Variants in SYNE1 observed in about 807,000 individuals in gnomAD.
SYNE1 encodes the protein spectrin repeat containing nuclear envelope protein 1.
A neutral mutation model predicts 1,111.0 loss-of-function variants in SYNE1; 616 were observed. The ratio of observed to expected loss-of-function variants is 0.55; its 90% confidence interval spans 0.52 to 0.59. SYNE1 has a LOEUF of 0.59. Ranked by LOEUF, SYNE1 falls within the 20% of genes least tolerant of loss-of-function variation. The pLI, the probability that SYNE1 is intolerant of heterozygous loss-of-function variation, is 0.00. For missense variants in SYNE1, 10,006 were observed against 10,417.0 expected, an observed-to-expected ratio of 0.96 and a Z score of 1.72; for synonymous variants, 3,855 against 3,825.8, an observed-to-expected ratio of 1.01 and a Z score of -0.28.
chr6:152,180,282 G>T lies in SYNE1; in HGVS notation c.23314C>A (p.Arg7772=). ...TTCAATCTTTCACCTATTTGCTGCC[G>T]CCTTAAGGAGAGCTGAAAAGTTTAA... ...EELCHQLSLR[R]QQIGERLNEW... Residue 7772 remains arginine (R), a synonymous_variant, in exon 129 of 146, where the codon CGG becomes AGG. Transcript: ENST00000367255. The T allele has an allele frequency of 6.2e-7, 1 of 1,613,976 alleles. No individual in the cohort carries two copies. The highest frequency in any genetic ancestry group is 8.5e-7 in the Non-Finnish European group (1 of 1,179,974).
chr6:152,343,050 C>T (rs140436680), intron 74 of SYNE1, among the ~76,000 whole-genome samples: 3 of 152,018 alleles, frequency 2.0e-5, no homozygotes, highest in South Asian at 2.1e-4. Context: ...GAAACTATCT[C>T]GAAGGCTTGG....
intron 29 of SYNE1, among the ~76,000 whole-genome samples, chr6:152,445,755 G>C (rs536114571): frequency 6.6e-6 from 1 of 151,966 alleles, no homozygotes; most frequent in South Asian, 2.1e-4. Flanking sequence ...CAAACACATT[G>C]TGTTCAACAT....
At chr6:152,479,779 T>C (rs2098871313) in intron 14 of SYNE1, among the ~76,000 whole-genome samples, 1 of 152,204 alleles carries the variant, frequency 6.6e-6, no homozygotes, top group Non-Finnish European at 1.5e-5. Context: ...TTTTGCAGAA[T>C]ACATAAGTTC....
chr6:152,620,308 C>G (rs2099672538), intron 3 of SYNE1, among the ~76,000 whole-genome samples: 1 of 152,028 alleles, frequency 6.6e-6, no homozygotes, highest in Admixed American at 6.5e-5. Context: ...TCACAAACCT[C>G]TTTTCTTCTT....
intron 128 of SYNE1, among the ~76,000 whole-genome samples, chr6:152,186,854 A>T (rs2813519): frequency 0.063 from 9,537 of 152,222 alleles, 471 homozygotes; most frequent in African/African-American, 0.14. Context: ...AAACAGATGA[A>T]TGGGCTCACA....
chr6:152,521,033 C>G (rs924497080), intron 5 of SYNE1, among the ~76,000 whole-genome samples: 2 of 152,116 alleles, frequency 1.3e-5, no homozygotes, highest in African/African-American at 4.8e-5. Flanking sequence ...TGAGGGCACC[C>G]GTCATACTAA....
chr6:152,404,046 T>G (rs1227036258), intron 46 of SYNE1, among the ~76,000 whole-genome samples, 167 bp downstream of exon 46: 3 of 150,904 alleles, frequency 2.0e-5, no homozygotes, highest in African/African-American at 7.3e-5. Context: ...GATACATATA[T>G]AGATGTATAT....
Position 152,462,887 on chromosome 6 carries a change from C to T in SYNE1, c.2101G>A (p.Ala701Thr). Reference sequence around the variant, plus strand: ...ATTCTGTCCATCTCATCAGCTTGAGCATACTGTTAAGGAAAGGGAGGAGGG... The same window carrying T: ...ATTCTGTCCATCTCATCAGCTTGAGTATACTGTTAAGGAAAGGGAGGAGGG... ...RELFMEVKQY[A>T]QADEMDRMKK... Residue 701 changes from alanine (A) to threonine (T), a missense_variant, in exon 20 of 146, where the codon GCT (alanine) becomes ACT (threonine). Physicochemically the swap from Ala to Thr is moderately conservative, Grantham distance 58 (BLOSUM62 0). Transcript: ENST00000367255. 7 of 1,613,858 alleles carry T rather than the reference C, an allele frequency of 4.3e-6. No homozygotes were observed. The highest frequency in any genetic ancestry group is 5.9e-6 in the Non-Finnish European group (7 of 1,179,884).
Position 152,376,426 on chromosome 6 carries a change from T to C in SYNE1, c.9279A>G (p.Ile3093Met). The change falls in exon 58 of 146, where the codon ATA (isoleucine) becomes ATG (methionine). Residue 3093 changes from isoleucine to methionine, a missense_variant. Coordinates refer to ENST00000367255, the MANE Select transcript of SYNE1 (RefSeq NM_182961.4). ...TTGAAACTTCACTTATATTTTGAGG[T>C]ATATCAAAACACTTGGCGGTAGTGA... ...AKITTAKCFD[I>M]PQNISEVSTS... 1 of 1,614,224 alleles carries C rather than the reference T, an allele frequency of 6.2e-7. No homozygotes were observed. Among genetic ancestry groups the C allele is most frequent in the Non-Finnish European group, 8.5e-7 (1 of 1,180,042 alleles).
intron 3 of SYNE1, among the ~76,000 whole-genome samples, chr6:152,556,925 A>G (rs565773542): frequency 1.4e-4 from 22 of 152,292 alleles, no homozygotes; most frequent in African/African-American, 4.8e-4. Flanking sequence ...ACACTACCAA[A>G]GGGGCAAGTA....
At chr6:152,487,844 G>C (rs1243231002) in intron 12 of SYNE1, among the ~76,000 whole-genome samples, 2 of 152,128 alleles carry the variant, frequency 1.3e-5, no homozygotes, top group Non-Finnish European at 2.9e-5. Flanking sequence ...GGGAGGCCGA[G>C]GCAGGTGGAT....
At chr6:152,394,239 GGGTT>G (rs1563668090) in intron 51 of SYNE1, among the ~76,000 whole-genome samples, 1 of 152,162 alleles carries the variant, frequency 6.6e-6, no homozygotes, top group Non-Finnish European at 1.5e-5. Flanking sequence ...ATGGGCATTT[GGGTT>G]GGTTCCAAGT....
chr6:152,381,739 G>A (rs1221089876), intron 55 of SYNE1, among the ~76,000 whole-genome samples: 6 of 152,036 alleles, frequency 3.9e-5, no homozygotes, highest in Admixed American at 6.6e-5. Flanking sequence ...AATAAAGATC[G>A]TGGCAGAACT....
Position 152,416,470 on chromosome 6 carries a change from C to G in SYNE1, c.5967G>C (p.Glu1989Asp). ...LKKAFQDQKE[E>D]LLKSIEDIEE... is the part of the protein sequence containing the mutation. ...CAATGTCCTCAATGCTTTTCAGAAG[C>G]TCCTCTTTCTGGTCTTGGAATGCTT... is the stretch of plus-strand genomic sequence containing the variant. The change falls in exon 41 of 146, where the codon GAG (glutamate) becomes GAC (aspartate). Residue 1989 changes from glutamate (E) to aspartate (D), a missense_variant. By Grantham distance (45) the Glu-to-Asp change is conservative. Coordinates refer to ENST00000367255, the MANE Select transcript of SYNE1 (RefSeq NM_182961.4). The G allele has an allele frequency of 3.1e-6, 5 of 1,614,140 alleles. No homozygotes were observed. Among genetic ancestry groups the G allele is most frequent in the Non-Finnish European group, 4.2e-6 (5 of 1,180,030 alleles).
chr6:152,173,229 G>C (rs114010504), intron 130 of SYNE1, among the ~76,000 whole-genome samples: 4 of 152,046 alleles, frequency 2.6e-5, no homozygotes, highest in Non-Finnish European at 5.9e-5. Context: ...TAAATTATGC[G>C]TTCTATTTTT....
At chr6:152,430,999 G>A (rs958276012) in intron 34 of SYNE1, among the ~76,000 whole-genome samples, 1 of 152,152 alleles carries the variant, frequency 6.6e-6, no homozygotes, top group Admixed American at 6.6e-5. Context: ...GACACTTACA[G>A]TATCTCTGAA....
At chr6:152,213,963 G>C (rs981552350) in intron 122 of SYNE1, among the ~76,000 whole-genome samples, 2 of 152,350 alleles carry the variant, frequency 1.3e-5, no homozygotes, top group African/African-American at 4.8e-5. Context: ...CACTTTGGGA[G>C]ACTGAGGTGG....
At chr6:152,635,078 T>C (rs1180425822) in intron 2 of SYNE1, among the ~76,000 whole-genome samples, 1 of 152,216 alleles carries the variant, frequency 6.6e-6, no homozygotes, top group African/African-American at 2.4e-5. Context: ...AGCATAGTTA[T>C]CAGAAAGTAG....
At chr6:152,502,406 C>T (rs1257820431) in intron 10 of SYNE1, among the ~76,000 whole-genome samples, 1 of 152,206 alleles carries the variant, frequency 6.6e-6, no homozygotes, top group African/African-American at 2.4e-5. Context: ...GTACCAGCAT[C>T]ACATACCTTA....
Sources: gnomAD v4.1 joint callset for allele counts (sites outside exome capture counted in the v4.1 genomes callset) on GRCh38, gnomAD v4.1.1 for gene constraint, MANE v1.5 for transcripts, NCBI Gene and HGNC (gene_info 2026-07-23, HGNC 2026-07-21) for gene names.